The following SPOCK1 variants were observed in gnomAD, a reference collection of about 807,000 sequenced individuals.
SPOCK1 encodes testican-1.
In SPOCK1, 23 loss-of-function variants were observed where a neutral mutation model predicts 55.3. The observed-to-expected ratio is 0.42, with a 90% confidence interval of 0.30 to 0.59. The LOEUF (loss-of-function observed/expected upper bound fraction) is 0.59. SPOCK1 is among the 20% of genes least tolerant of loss of function. SPOCK1 has a pLI of 0.22. For missense variants in SPOCK1, 499 were observed against 552.5 expected (o/e 0.90, Z 0.97); for synonymous variants, 226 against 221.0 (o/e 1.02, Z -0.20).
chr5:137,450,583 A>AT, intron 2 of SPOCK1, among the ~76,000 whole-genome samples: 1 of 152,254 alleles, frequency 6.6e-6, no homozygotes, highest in Non-Finnish European at 1.5e-5. Flanking sequence ...CCATCTTGAA[A>AT]TTCTTAGTAA....
intron 2 of SPOCK1, among the ~76,000 whole-genome samples, chr5:137,356,840 G>T (rs866282887): frequency 7.2e-3 from 232 of 32,332 alleles, no homozygotes; most frequent in Non-Finnish European, 9.0e-3. Flanking sequence ...TATATATATA[G>T]AGAGAGAGAG....
In SPOCK1 at chr5:137,006,397, G is replaced by A. The variant is rs527370598; in HGVS notation, c.590-13797C>T. On this transcript the variant is annotated intron_variant, in intron 6 of 10. Transcript: ENST00000394945. ...TTATTTCCTTGAGCAGTGGTTTATA[G>A]TTCTCCTTGAAGAGATCCTTCACAT... Among the ~76,000 whole-genome samples, 7 of 152,234 alleles carry A rather than the reference G, an allele frequency of 4.6e-5. No individual in the cohort carries two copies. The East Asian group carries it at 7.7e-4, about 17-fold the overall frequency.
intron 2 of SPOCK1, among the ~76,000 whole-genome samples, chr5:137,349,506 T>C (rs1750630421): frequency 6.6e-6 from 1 of 152,212 alleles, no homozygotes; most frequent in African/African-American, 2.4e-5. Flanking sequence ...GGAATATCTT[T>C]GTTTCCTAGA....
At chr5:137,282,553 G>C (rs936589757) in intron 2 of SPOCK1, among the ~76,000 whole-genome samples, 4 of 152,232 alleles carry the variant, frequency 2.6e-5, no homozygotes, top group Non-Finnish European at 5.9e-5. Context: ...CCAGCAGGAA[G>C]GAGGTGATGC....
At chr5:137,219,956 T>C (rs539233359) in intron 3 of SPOCK1, among the ~76,000 whole-genome samples, 1 of 152,296 alleles carries the variant, frequency 6.6e-6, no homozygotes, top group African/African-American at 2.4e-5. Flanking sequence ...GCCTTCAGGA[T>C]TCTCTTGATC....
chr5:137,232,661 C>CTATA (rs1756089206), intron 3 of SPOCK1, among the ~76,000 whole-genome samples: 1 of 152,194 alleles, frequency 6.6e-6, no homozygotes, highest in Non-Finnish European at 1.5e-5. Context: ...TTTAGCTATT[C>CTATA]TAGGGCCTGT....
At chr5:136,990,507 A>T (rs1750928498) in intron 7 of SPOCK1, among the ~76,000 whole-genome samples, 1 of 151,674 alleles carries the variant, frequency 6.6e-6, no homozygotes, top group East Asian at 1.9e-4. Flanking sequence ...TTCCATTTTT[A>T]AATTTATTCA....
chr5:137,109,160 G>C (rs1753419467), intron 5 of SPOCK1, among the ~76,000 whole-genome samples: 1 of 152,152 alleles, frequency 6.6e-6, no homozygotes, highest in Non-Finnish European at 1.5e-5. Context: ...ACATCTCATG[G>C]CTCATCTCCA....
intron 6 of SPOCK1, among the ~76,000 whole-genome samples, chr5:136,996,547 T>A (rs1168646724): frequency 4.6e-5 from 7 of 152,112 alleles, no homozygotes; most frequent in Admixed American, 4.6e-4. Context: ...TTCAGCTTGC[T>A]TTTCATTGCT....
rs142164335 is a variant in SPOCK1 at position 136,979,403 on chromosome 5, C to A, written c.1058G>T (p.Gly353Val). ...YKATQCHGST[G>V]QCWCVDKYGN... ...ATATTTGTCCACACACCAGCACTGC[C>A]CCGTGCTGCCGTGGCACTGTGTGGC... The change falls in exon 10 of 11, where the codon GGG becomes GTG. Residue 353 changes from glycine to valine, a missense_variant. By Grantham distance (109) the Gly-to-Val change is moderately radical. Transcript: ENST00000394945. 6.2e-7 allele frequency: 1 copy of A among 1,613,978 alleles called. No individual in the cohort carries two copies. The highest frequency in any genetic ancestry group is 1.3e-5 in the African/African-American group (1 of 74,902).
intron 2 of SPOCK1, among the ~76,000 whole-genome samples, chr5:137,435,817 G>T (rs1752853312): frequency 6.6e-6 from 1 of 150,460 alleles, no homozygotes; most frequent in African/African-American, 2.4e-5. Flanking sequence ...TTTTTTACCA[G>T]CATCTTAATT....
At chr5:137,427,935 A>G (rs545855415) in intron 2 of SPOCK1, among the ~76,000 whole-genome samples, 3 of 151,338 alleles carry the variant, frequency 2.0e-5, no homozygotes, top group Admixed American at 6.6e-5. Flanking sequence ...AAAGGCAGAA[A>G]CTTTGGCTAC....
chr5:137,113,324 T>A (rs1753510447), intron 4 of SPOCK1, among the ~76,000 whole-genome samples: 1 of 152,150 alleles, frequency 6.6e-6, no homozygotes, highest in South Asian at 2.1e-4. Flanking sequence ...ACCCTTCCTC[T>A]CTTAGCCAAA....
At chr5:137,486,000 A>C (rs1754047420) in intron 2 of SPOCK1, among the ~76,000 whole-genome samples, 2 of 152,298 alleles carry the variant, frequency 1.3e-5, no homozygotes, top group South Asian at 4.1e-4. Context: ...CTATGCTCCA[A>C]TGAAACACAC....
At chr5:137,216,063 A>G (rs1755710548) in intron 3 of SPOCK1, among the ~76,000 whole-genome samples, 1 of 152,162 alleles carries the variant, frequency 6.6e-6, no homozygotes, top group African/African-American at 2.4e-5. Flanking sequence ...CTCATCATGT[A>G]ATGCTCCCTA....
At chr5:137,297,629 C>T (rs1022844538) in intron 2 of SPOCK1, among the ~76,000 whole-genome samples, 5 of 152,042 alleles carry the variant, frequency 3.3e-5, no homozygotes, top group Admixed American at 2.0e-4. Context: ...GCCTGGCCTG[C>T]AGTGAGCATT....
At chr5:137,057,439 T>C (rs902984997) in intron 6 of SPOCK1, among the ~76,000 whole-genome samples, 15 of 152,228 alleles carry the variant, frequency 9.9e-5, no homozygotes, top group African/African-American at 3.4e-4. Flanking sequence ...TTATCTGGCA[T>C]CATTATATAT....
rs375019772 is a variant in SPOCK1, at chr5:137,110,130, T to C, written c.474+2305A>G. 2.0e-5 allele frequency among the ~76,000 whole-genome samples: 3 copies of C among 152,200 alleles called. No individual in the cohort carries two copies. The East Asian group carries it at 5.8e-4, about 29-fold the overall frequency. On this transcript the variant is annotated intron_variant, in intron 5 of 10. Coordinates refer to ENST00000394945, the MANE Select transcript of SPOCK1 (RefSeq NM_004598.4). ...GGCAGGCTCTGGAGGGCCCCATTAG[T>C]AACGATAGTGGCAAGGGAGAGCTAG...
intron 4 of SPOCK1, among the ~76,000 whole-genome samples, chr5:137,130,906 C>A (rs1753863179): frequency 1.3e-5 from 2 of 152,228 alleles, no homozygotes; most frequent in Admixed American, 1.3e-4. Flanking sequence ...AATTAACTTT[C>A]ATCTCTCCTG....
Sources: allele counts gnomAD v4.1 joint callset (sites outside exome capture counted in the v4.1 genomes callset), GRCh38; gene constraint gnomAD v4.1.1; transcripts MANE v1.5; gene names NCBI Gene and HGNC (gene_info 2026-07-23, HGNC 2026-07-21).